The following ZNF157 variants were observed in gnomAD, a reference collection of about 807,000 sequenced individuals.
ZNF157 encodes the protein zinc finger protein 22.
A neutral mutation model predicts 9.4 loss-of-function variants in ZNF157; 8 were observed. The ratio of observed to expected loss-of-function variants is 0.85; its 90% CI spans 0.50 to 1.53. The LOEUF (loss-of-function observed/expected upper bound fraction) is 1.53, where lower values mean the gene tolerates loss of function less well. Among genes scored for constraint, ZNF157 ranks in the 40% most tolerant of loss-of-function variants. ZNF157 has a pLI of 0.00. For missense variants in ZNF157, 316 were observed against 385.2 expected, an observed-to-expected ratio of 0.82 and a Z score of 1.50; for synonymous variants, 120 against 130.8, an observed-to-expected ratio of 0.92 and a Z score of 0.56.
intron 1 of ZNF157, among the ~76,000 whole-genome samples, chrX:47,385,429 C>CT (rs922518212): frequency 1.4e-4 from 16 of 110,947 alleles, no homozygotes; most frequent in Admixed American, 6.9e-4. Flanking sequence ...CGGTGTTACT[C>CT]TAAGTCCAGT....
At chrX:47,410,182 T>C in intron 1 of ZNF157, 94 bp from the exon 2 acceptor site, 2 of 1,128,268 alleles carry the variant, frequency 1.8e-6, no homozygotes, top group South Asian at 3.7e-5. Context: ...GTAGCTCTAT[T>C]TAGTCAACTT....
chrX:47,389,187 G>T (rs1259629580), intron 1 of ZNF157, among the ~76,000 whole-genome samples: 1 of 110,530 alleles, frequency 9.0e-6, no homozygotes, highest in African/African-American at 3.3e-5. Flanking sequence ...CATTTGAAAA[G>T]ATTTTTTCAT....
intron 1 of ZNF157, among the ~76,000 whole-genome samples, chrX:47,403,127 A>AG (rs1328515941): frequency 4.6e-5 from 5 of 107,543 alleles, no homozygotes; most frequent in Non-Finnish European, 9.6e-5. Context: ...ACACACACAA[A>AG]TTAGCTGGGT....
intron 1 of ZNF157, among the ~76,000 whole-genome samples, chrX:47,378,078 A>C (rs2055850360): frequency 9.0e-6 from 1 of 111,193 alleles, no homozygotes; most frequent in South Asian, 3.8e-4. Context: ...GGAGACTGGA[A>C]TTTTTATTAT....
rs200104319 is a variant in ZNF157, at chrX:47,413,011, C to T, written c.938C>T (p.Ala313Val). The T allele has an allele frequency of 8.4e-4, 1,016 of 1,207,908 alleles. 3 individuals are homozygous for T. The highest frequency in any genetic ancestry group is 3.9e-4 in the Non-Finnish European group (348 of 894,137). The stretch of plus-strand genomic sequence containing the variant: ...GGGGAGTGTGGGAAAAACTTCCGTG[C>T]AAAGAAATCCCTAAATCAGCATCAA... ...ECGECGKNFR[A>V]KKSLNQHQRI... The change falls in exon 4 of 4, where the codon GCA (alanine) becomes GTA (valine). Residue 313 changes from alanine to valine, a missense_variant. Physicochemically the swap from Ala to Val is moderately conservative, Grantham distance 64 (BLOSUM62 0). This residue lies in a region of ZNF157 where 167 missense variants were observed against 183.6 expected (regional missense o/e 0.91). Transcript: ENST00000377073.
intron 1 of ZNF157, among the ~76,000 whole-genome samples, chrX:47,375,433 C>T (rs1241621052): frequency 1.8e-5 from 2 of 110,856 alleles, no homozygotes; most frequent in African/African-American, 6.6e-5. Context: ...CTATTATTCA[C>T]ATCTTGCATT....
intron 1 of ZNF157, among the ~76,000 whole-genome samples, chrX:47,391,823 T>A (rs1323256204): frequency 9.0e-6 from 1 of 111,427 alleles, no homozygotes; most frequent in Non-Finnish European, 1.9e-5. Context: ...GTGCTGGGAT[T>A]ACAGGCATGA....
At chrX:47,374,176 G>A (rs1465723849) in intron 1 of ZNF157, among the ~76,000 whole-genome samples, 2 of 110,541 alleles carry the variant, frequency 1.8e-5, no homozygotes, top group Non-Finnish European at 3.8e-5. Context: ...TGTCAGAATG[G>A]AATTGAATTG....
chrX:47,402,750 C>T (rs1430978765), intron 1 of ZNF157, among the ~76,000 whole-genome samples: 1 of 107,787 alleles, frequency 9.3e-6, no homozygotes, highest in Admixed American at 1.0e-4. Context: ...CACCGTGTTA[C>T]CCAGGATGGT....
chrX:47,410,628 C>T, intron 2 of ZNF157, 52 bp from the exon 3 acceptor site: 1 of 1,096,956 alleles, frequency 9.1e-7, no homozygotes, highest in Non-Finnish European at 1.2e-6. Flanking sequence ...CCATCAGAGG[C>T]CCTAGAGCTC....
Position 47,410,392 on chromosome X carries a change from G to A in ZNF157, c.189G>A (p.Leu63=), listed in dbSNP as rs1386821457. Residue 63 remains leucine, a synonymous_variant, in exon 2 of 4, where the codon CTG becomes CTA. Coordinates refer to ENST00000377073, the MANE Select transcript of ZNF157 (RefSeq NM_003446.4). ...KDVMLETYSN[L]ASVGLCVAKP... Reference sequence around the variant, plus strand: ...TGATGCTGGAGACCTACAGCAACCTGGCATCTGTGGGTGAGGATGATTGTC... The same window carrying A: ...TGATGCTGGAGACCTACAGCAACCTAGCATCTGTGGGTGAGGATGATTGTC... 1 of 1,210,842 alleles carries A rather than the reference G, an allele frequency of 8.3e-7. No homozygotes were observed. Among genetic ancestry groups the A allele is most frequent in the South Asian group, 1.8e-5 (1 of 56,879 alleles).
chrX:47,387,216 G>A (rs1436754436), intron 1 of ZNF157, among the ~76,000 whole-genome samples: 3 of 109,275 alleles, frequency 2.7e-5, no homozygotes, highest in Non-Finnish European at 5.7e-5. Flanking sequence ...TCCGCCTCCC[G>A]GATTCAAGTG....
intron 1 of ZNF157, among the ~76,000 whole-genome samples, chrX:47,382,358 C>T (rs2055866356): frequency 1.1e-5 from 1 of 86,971 alleles, no homozygotes; most frequent in Admixed American, 1.5e-4. Context: ...GGCGTGATCT[C>T]AGCTCACTGC....
At position 47,370,708 on chromosome X, in the gene ZNF157, C is replaced by T. The variant is rs2055826158; in HGVS notation, c.40C>T (p.Leu14=). Residue 14 remains leucine, a synonymous_variant, in exon 1 of 4, where the codon CTG becomes TTG. Transcript: ENST00000377073. ...GACATCACCCCAGAGATTCCCTGCC[C>T]TGATTCCAGGAGAACCTGGCAGATC... ...NGTSPQRFPA[L]IPGEPGRSFE... 3 of 1,205,825 alleles carry T rather than the reference C, an allele frequency of 2.5e-6. No individual in the cohort carries two copies. The highest frequency in any genetic ancestry group is 3.4e-6 in the Non-Finnish European group (3 of 892,353).
rs1371768844 is a variant in ZNF157, at chrX:47,370,707, C to T, written c.39C>T (p.Ala13=). The T allele has an allele frequency of 8.3e-7, 1 of 1,205,217 alleles. No homozygotes were observed. Among genetic ancestry groups the T allele is most frequent in the South Asian group, 1.8e-5 (1 of 55,692 alleles). ...GGACATCACCCCAGAGATTCCCTGC[C>T]CTGATTCCAGGAGAACCTGGCAGAT... ...ANGTSPQRFP[A]LIPGEPGRSF... The change falls in exon 1 of 4, where the codon GCC becomes GCT. Residue 13 remains alanine (A), a synonymous_variant. Coordinates refer to ENST00000377073, the MANE Select transcript of ZNF157 (RefSeq NM_003446.4).
intron 1 of ZNF157, among the ~76,000 whole-genome samples, chrX:47,374,326 G>A (rs1446996615): frequency 9.0e-6 from 1 of 110,645 alleles, no homozygotes; most frequent in Non-Finnish European, 1.9e-5. Context: ...CCTACACAGT[G>A]GGGTAAATGC....
intron 1 of ZNF157, among the ~76,000 whole-genome samples, chrX:47,408,268 C>A (rs1175768893): frequency 9.0e-6 from 1 of 111,056 alleles, no homozygotes; most frequent in African/African-American, 3.3e-5. Flanking sequence ...CACCACCATG[C>A]CCCGCTAATT....
At chrX:47,377,572 C>T (rs1272793407) in intron 1 of ZNF157, among the ~76,000 whole-genome samples, 1 of 109,666 alleles carries the variant, frequency 9.1e-6, no homozygotes, top group Non-Finnish European at 1.9e-5. Context: ...GCTGGGACTA[C>T]AAGCATGTGC....
chrX:47,393,930 C>T (rs2147407904), intron 1 of ZNF157, among the ~76,000 whole-genome samples: 1 of 108,155 alleles, frequency 9.2e-6, no homozygotes, highest in African/African-American at 3.4e-5. Context: ...TTTGTAGAGA[C>T]GGGGTCTCAC....
Sources: allele counts gnomAD v4.1 joint callset (sites outside exome capture counted in the v4.1 genomes callset), GRCh38; gene constraint gnomAD v4.1.1; regional missense constraint gnomAD v4.1.1; transcripts MANE v1.5; gene names NCBI Gene and HGNC (gene_info 2026-07-23, HGNC 2026-07-21).